The following NAALADL2 variants were observed in gnomAD, a reference collection of about 807,000 sequenced individuals.
NAALADL2 encodes the protein N-acetylated alpha-linked acidic dipeptidase like 2.
Under a neutral mutation model 87.2 loss-of-function variants are expected in NAALADL2, and 76 were observed. The observed-to-expected ratio is 0.87, with a 90% CI of 0.72 to 1.05. The LOEUF (loss-of-function observed/expected upper bound fraction) is 1.05. NAALADL2 is among the 50% of genes least tolerant of loss of function. The pLI is 0.00. For missense variants in NAALADL2, 1,089 were observed against 945.8 expected (o/e 1.15, Z -1.99); for synonymous variants, 354 against 331.0 (o/e 1.07, Z -0.75).
chr3:174,711,951 C>T, intron 2 of NAALADL2, among the ~76,000 whole-genome samples: 1 of 152,058 alleles, frequency 6.6e-6, no homozygotes, highest in South Asian at 2.1e-4. Context: ...AGGCGCATGC[C>T]ACCACACCTG....
At chr3:175,061,822 A>G (rs953254751) in intron 1 of NAALADL2, among the ~76,000 whole-genome samples, 1 of 151,482 alleles carries the variant, frequency 6.6e-6, no homozygotes, top group East Asian at 1.9e-4. Flanking sequence ...TTTTGCCTGT[A>G]TTAGCCATTC....
chr3:175,161,567 A>G (rs1580743656), intron 2 of NAALADL2, among the ~76,000 whole-genome samples: 1 of 152,206 alleles, frequency 6.6e-6, no homozygotes, highest in Non-Finnish European at 1.5e-5. Context: ...TACATCTTCA[A>G]CTTCAGTAGT....
chr3:174,969,260 C>G (rs1259787857), intron 1 of NAALADL2, among the ~76,000 whole-genome samples: 1 of 152,152 alleles, frequency 6.6e-6, no homozygotes, highest in Non-Finnish European at 1.5e-5. Flanking sequence ...ATGTCATTGT[C>G]TCAGGTAAGT....
intron 1 of NAALADL2, among the ~76,000 whole-genome samples, chr3:174,508,121 T>TTTTTTTGTTTTTTTTG (rs1279252839): frequency 7.0e-6 from 1 of 143,094 alleles, no homozygotes; most frequent in Non-Finnish European, 1.5e-5. Context: ...GTGGTTTTTT[T>TTTTTTTGTTTTTTTTG]TTTTTTTTTT....
intron 2 of NAALADL2, among the ~76,000 whole-genome samples, chr3:175,128,276 A>G (rs1197028612): frequency 6.6e-6 from 1 of 152,194 alleles, no homozygotes; most frequent in Admixed American, 6.5e-5. Context: ...ATTAATTTCA[A>G]TCTTTCTTTA....
At chr3:174,583,196 T>C (rs1404736564) in intron 2 of NAALADL2, among the ~76,000 whole-genome samples, 1 of 152,242 alleles carries the variant, frequency 6.6e-6, no homozygotes, top group Non-Finnish European at 1.5e-5. Context: ...TGCTGCCAAT[T>C]ATACTATTTC....
At chr3:174,810,175 A>G (rs1515621) in intron 3 of NAALADL2, among the ~76,000 whole-genome samples, 113,412 of 152,124 alleles carry the variant, frequency 0.75, 42,874 homozygotes, top group African/African-American at 0.88. Flanking sequence ...CAGAAAAATT[A>G]GTACTTAAGA....
At chr3:175,339,374 G>T (rs1250689854) in intron 5 of NAALADL2, among the ~76,000 whole-genome samples, 6 of 152,142 alleles carry the variant, frequency 3.9e-5, no homozygotes, top group Non-Finnish European at 7.4e-5. Context: ...CTCCACTGCT[G>T]TGTGCCAATA....
intron 9 of NAALADL2, among the ~76,000 whole-genome samples, chr3:175,503,020 GT>G (rs1157437383): frequency 1.3e-5 from 2 of 151,064 alleles, no homozygotes; most frequent in African/African-American, 4.9e-5. Context: ...TGTAGATTAT[GT>G]TGTCACCCAG....
chr3:174,987,828 A>ATAT (rs1746182163), intron 1 of NAALADL2, among the ~76,000 whole-genome samples: 1 of 132,354 alleles, frequency 7.6e-6, no homozygotes, highest in African/African-American at 3.7e-5. Context: ...ATATATATAT[A>ATAT]ATGAGACCTT....
At chr3:175,589,493 C>A (rs1448566687) in intron 10 of NAALADL2, among the ~76,000 whole-genome samples, 2 of 150,412 alleles carry the variant, frequency 1.3e-5, no homozygotes, top group Non-Finnish European at 3.0e-5. Flanking sequence ...AAATTTCTAC[C>A]TTTAATTAAA....
chr3:174,902,253 A>T (rs746057842), intron 1 of NAALADL2, among the ~76,000 whole-genome samples: 12 of 152,094 alleles, frequency 7.9e-5, no homozygotes, highest in Non-Finnish European at 1.6e-4. Flanking sequence ...TGTCTTTTTG[A>T]CCATATACTT....
intron 2 of NAALADL2, among the ~76,000 whole-genome samples, chr3:174,699,431 T>C (rs1578590791): frequency 6.6e-6 from 1 of 151,712 alleles, no homozygotes; most frequent in African/African-American, 2.4e-5. Context: ...GAGGCGGAGG[T>C]TGCAGTGAGC....
intron 1 of NAALADL2, among the ~76,000 whole-genome samples, chr3:174,916,275 T>C (rs1347137706): frequency 2.0e-5 from 3 of 152,068 alleles, no homozygotes; most frequent in African/African-American, 7.2e-5. Flanking sequence ...GGAATGTAAA[T>C]TAGTACAACC....
intron 5 of NAALADL2, among the ~76,000 whole-genome samples, chr3:175,426,216 C>T (rs925071720): frequency 1.3e-5 from 2 of 151,910 alleles, no homozygotes; most frequent in Non-Finnish European, 2.9e-5. Context: ...TACAAAAATT[C>T]GCTGGACGTG....
intron 1 of NAALADL2, among the ~76,000 whole-genome samples, chr3:174,982,631 A>G (rs1745267155): frequency 1.3e-5 from 2 of 152,244 alleles, no homozygotes; most frequent in Admixed American, 6.5e-5. Context: ...ATCTTACTAT[A>G]TAACGTAAGT....
upstream of NAALADL2, chr3:174,859,190 A>G (rs1726171106): frequency 1.9e-6 from 1 of 517,220 alleles, no homozygotes; most frequent in East Asian, 3.0e-5. Flanking sequence ...AGTACACTTT[A>G]ATAGCCATAC....
chr3:175,661,478 G>A (rs1481246485), intron 11 of NAALADL2, among the ~76,000 whole-genome samples: 1 of 151,358 alleles, frequency 6.6e-6, no homozygotes, highest in Non-Finnish European at 1.5e-5. Context: ...TTGTTAATTG[G>A]TTTCTTTGCT....
At chr3:175,600,265 C>G (rs1318481541) in intron 10 of NAALADL2, among the ~76,000 whole-genome samples, 1 of 151,650 alleles carries the variant, frequency 6.6e-6, no homozygotes, top group Non-Finnish European at 1.5e-5. Context: ...TCTCAAGACA[C>G]TCATTTTTAA....
Sources: gnomAD v4.1 joint callset for allele counts (sites outside exome capture counted in the v4.1 genomes callset) on GRCh38, gnomAD v4.1.1 for gene constraint, MANE v1.5 for transcripts, NCBI Gene and HGNC (gene_info 2026-07-23, HGNC 2026-07-21) for gene names.